The following FAM174A variants were observed in gnomAD, a reference collection of about 807,000 sequenced individuals.
FAM174A encodes the protein family with sequence similarity 174 member A.
FAM174A carries 14 observed loss-of-function variants against 14.3 expected under a neutral mutation model. The ratio of observed to expected loss-of-function variants is 0.98; its 90% CI spans 0.65 to 1.53. The LOEUF (loss-of-function observed/expected upper bound fraction) is 1.53. Among genes scored for constraint, FAM174A ranks in the 40% most tolerant of loss-of-function variants. The pLI, the probability that FAM174A is intolerant of heterozygous loss-of-function variation, is 0.00. For synonymous variants in FAM174A, 108 were observed against 111.4 expected, an observed-to-expected ratio of 0.97 and a Z score of 0.19; for missense variants, 241 against 249.6, an observed-to-expected ratio of 0.97 and a Z score of 0.23.
intron 2 of FAM174A, among the ~76,000 whole-genome samples, chr5:100,572,892 T>A (rs1746820524): frequency 6.6e-6 from 1 of 152,290 alleles, no homozygotes; most frequent in South Asian, 2.1e-4. Context: ...TTCCTATTTC[T>A]CCACATCCTC....
At chr5:100,541,507 G>A (rs1013041385) in intron 1 of FAM174A, among the ~76,000 whole-genome samples, 3 of 152,114 alleles carry the variant, frequency 2.0e-5, no homozygotes, top group African/African-American at 7.2e-5. Context: ...TGCAGGCAGG[G>A]AGAAGTATTG....
In FAM174A at chr5:100,586,405, AAGTAT is replaced by A. The variant is rs1206559625; in HGVS notation, c.*223_*227del. The A allele has an allele frequency of 3.3e-6, 1 of 300,848 alleles. No homozygotes were observed. The highest frequency in any genetic ancestry group is 6.2e-6 in the Non-Finnish European group (1 of 160,970). The allele number at this position is 300,848 out of a possible 1,614,324, so 18.6% of individuals were successfully genotyped here. A position where few individuals can be genotyped will look rare whatever the true frequency, so the allele number is the denominator to read the frequency against. On this transcript the variant is annotated 3_prime_UTR_variant, in exon 3 of 3. Coordinates refer to ENST00000312637, the MANE Select transcript of FAM174A (RefSeq NM_198507.3). ...AATGGGCTCAGAGATGTTGGGGATAAAGTATACTGTAATAATTTATCTGTTTGAAA... is the reference window on the plus strand; with the variant it reads ...AATGGGCTCAGAGATGTTGGGGATAAACTGTAATAATTTATCTGTTTGAAA...
Position 100,535,696 on chromosome 5 carries a change from C to T in FAM174A, c.166C>T (p.Leu56=). ...PDPRPRTLPP[L]PPGPTPAQQP... ...CCCTAGACCACGGACATTACCGCCG[C>T]TGCCACCGGGCCCTACCCCTGCCCA... The change falls in exon 1 of 3, where the codon CTG becomes TTG. Residue 56 remains leucine (L), a synonymous_variant. Transcript: ENST00000312637. The T allele has an allele frequency of 1.2e-6, 2 of 1,609,018 alleles. No homozygotes were observed. Among genetic ancestry groups the T allele is most frequent in the Non-Finnish European group, 8.5e-7 (1 of 1,178,800 alleles).
intron 1 of FAM174A, among the ~76,000 whole-genome samples, chr5:100,561,769 G>A (rs565783139): frequency 5.9e-5 from 9 of 151,850 alleles, no homozygotes; most frequent in South Asian, 2.1e-4. Context: ...TTTAAAGTAC[G>A]GTACCTGAAT....
intron 1 of FAM174A, among the ~76,000 whole-genome samples, chr5:100,559,643 G>A (rs140189640): frequency 0.035 from 5,363 of 152,010 alleles, 150 homozygotes; most frequent in Non-Finnish European, 0.052. Context: ...GGCTTTGTTC[G>A]TTTCTTTTTA....
chr5:100,560,356 AG>A (rs1407283356), intron 1 of FAM174A, among the ~76,000 whole-genome samples: 1 of 152,142 alleles, frequency 6.6e-6, no homozygotes, highest in Non-Finnish European at 1.5e-5. Flanking sequence ...TCACTGTGAA[AG>A]AAAGAGTACT....
intron 2 of FAM174A, among the ~76,000 whole-genome samples, chr5:100,582,777 C>T (rs1408227693): frequency 1.3e-5 from 2 of 151,996 alleles, no homozygotes; most frequent in African/African-American, 2.4e-5. Flanking sequence ...ATAGATTATA[C>T]CTAGTAGCTT....
At chr5:100,557,622 AT>A (rs1333928379) in intron 1 of FAM174A, among the ~76,000 whole-genome samples, 1 of 152,046 alleles carries the variant, frequency 6.6e-6, no homozygotes, top group Non-Finnish European at 1.5e-5. Context: ...AGAGCCTGTT[AT>A]TGGTCTATTC....
rs141860491 is a variant in FAM174A, at chr5:100,584,338, G to C, written c.570-1843G>C. Among the ~76,000 whole-genome samples the C allele has an allele frequency of 1.7e-3, 252 of 152,188 alleles. 1 individual carries two copies. The highest frequency in any genetic ancestry group is 6.0e-3 in the African/African-American group (248 of 41,528). On this transcript the variant is annotated intron_variant, in intron 2 of 2. Coordinates refer to ENST00000312637, the MANE Select transcript of FAM174A (RefSeq NM_198507.3). ...TCTTCCGTATTAATAAGTGTCATTT[G>C]TGGCTTTTTTTTCCAGAACAGGGCA... is the stretch of plus-strand genomic sequence containing the variant.
chr5:100,556,374 A>G (rs527791253), intron 1 of FAM174A, among the ~76,000 whole-genome samples: 12 of 152,214 alleles, frequency 7.9e-5, no homozygotes, highest in Admixed American at 5.9e-4. Context: ...GTCAGGTAGC[A>G]TGATGCCTCC....
At chr5:100,556,440 C>T (rs1017749318) in intron 1 of FAM174A, among the ~76,000 whole-genome samples, 24 of 152,198 alleles carry the variant, frequency 1.6e-4, no homozygotes, top group African/African-American at 5.8e-4. Context: ...TTTTTGGTTC[C>T]ATATGAACTT....
chr5:100,559,249 A>C (rs1746472027), intron 1 of FAM174A, among the ~76,000 whole-genome samples: 1 of 152,178 alleles, frequency 6.6e-6, no homozygotes, highest in Admixed American at 6.5e-5. Context: ...TTTCTTTAAG[A>C]ATGTTGAATA....
At chr5:100,540,287 G>A (rs749573890) in intron 1 of FAM174A, among the ~76,000 whole-genome samples, 35 of 152,092 alleles carry the variant, frequency 2.3e-4, no homozygotes, top group Non-Finnish European at 5.9e-5. Flanking sequence ...AACCATTTAT[G>A]TATTTAGTGA....
chr5:100,548,308 A>G (rs1228673519), intron 1 of FAM174A, among the ~76,000 whole-genome samples: 2 of 152,130 alleles, frequency 1.3e-5, no homozygotes, highest in Admixed American at 6.6e-5. Context: ...AGCAGATTCT[A>G]TTACAGTGAT....
chr5:100,571,701 C>T (rs1042107835), intron 2 of FAM174A, among the ~76,000 whole-genome samples: 3 of 140,404 alleles, frequency 2.1e-5, no homozygotes, highest in African/African-American at 7.6e-5. Flanking sequence ...TACACACACA[C>T]ACCCTATTAC....
At position 100,556,161 on chromosome 5, in the gene FAM174A, G is replaced by A. The variant is rs576379250; in HGVS notation, c.435-5893G>A. Reference sequence around the variant, plus strand: ...GATCCAGTTTCAGCTCTCTACATATGGCTAGCCAGTTTTCCCAGCACCATT... The same window carrying A: ...GATCCAGTTTCAGCTCTCTACATATAGCTAGCCAGTTTTCCCAGCACCATT... On this transcript the variant is annotated intron_variant, in intron 1 of 2. Coordinates refer to ENST00000312637, the MANE Select transcript of FAM174A (RefSeq NM_198507.3). 1.1e-4 allele frequency among the ~76,000 whole-genome samples: 16 copies of A among 152,218 alleles called. No individual in the cohort carries two copies. The South Asian group carries it at 3.3e-3, about 32-fold the overall frequency.
At chr5:100,573,271 T>C (rs1746833174) in intron 2 of FAM174A, among the ~76,000 whole-genome samples, 1 of 151,974 alleles carries the variant, frequency 6.6e-6, no homozygotes, top group Admixed American at 6.6e-5. Flanking sequence ...ATCCCATTTG[T>C]CAATTTTGTC....
intron 1 of FAM174A, among the ~76,000 whole-genome samples, chr5:100,536,769 T>C (rs1382405829): frequency 6.6e-6 from 1 of 152,248 alleles, no homozygotes; most frequent in African/African-American, 2.4e-5. Context: ...AAATACCCTC[T>C]GTATTGTAAT....
intron 2 of FAM174A, among the ~76,000 whole-genome samples, chr5:100,575,290 T>A (rs977287230): frequency 1.3e-5 from 2 of 152,092 alleles, no homozygotes; most frequent in Non-Finnish European, 2.9e-5. Flanking sequence ...CTAGGGTACA[T>A]GTGCACAATG....
Sources: gnomAD v4.1 joint callset for allele counts (sites outside exome capture counted in the v4.1 genomes callset) on GRCh38, gnomAD v4.1.1 for gene constraint, MANE v1.5 for transcripts, NCBI Gene and HGNC (gene_info 2026-07-23, HGNC 2026-07-21) for gene names.